Variants in TIMM9 observed in about 807,000 individuals in gnomAD.
The protein encoded by TIMM9 is mitochondrial import inner membrane translocase subunit Tim9.
A neutral mutation model predicts 13.4 loss-of-function variants in TIMM9; 10 were observed. The ratio of observed to expected loss-of-function variants is 0.75; its 90% CI spans 0.46 to 1.26. TIMM9 has a LOEUF of 1.26. Ranked by LOEUF, TIMM9 falls within the 50% of genes most tolerant of loss-of-function variation. The pLI is 0.00. For missense variants in TIMM9, 87 were observed against 100.8 expected (o/e 0.86, Z 0.58); for synonymous variants, 32 against 32.1 (o/e 1.00, Z 0.01).
intron 5 of TIMM9, 147 bp from the exon 6 acceptor site, chr14:58,409,315 T>C (rs2036133304): frequency 1.2e-6 from 1 of 837,560 alleles, no homozygotes; most frequent in Non-Finnish European, 1.8e-6. Flanking sequence ...CAACTGACCA[T>C]AGCTTTTAAT....
chr14:58,415,815 C>A (rs1566750053), intron 3 of TIMM9, among the ~76,000 whole-genome samples: 1 of 151,984 alleles, frequency 6.6e-6, no homozygotes, highest in Non-Finnish European at 1.5e-5. Context: ...GAAAACTCCC[C>A]AAGTTTGGCA....
At chr14:58,419,908 C>G (rs546661771) in intron 3 of TIMM9, among the ~76,000 whole-genome samples, 2 of 152,014 alleles carry the variant, frequency 1.3e-5, no homozygotes, top group Non-Finnish European at 2.9e-5. Flanking sequence ...CAGACCCTCT[C>G]TCTAAAAAAA....
chr14:58,427,468 G>T lies in TIMM9; in HGVS notation c.-380C>A, dbSNP rs2036911936. ...CTGGTAAACACAAGTAGTATTACAA[G>T]TCGGGAGCTCTTCAAGTCTTGGATG... On this transcript the variant is annotated 5_prime_UTR_variant, in exon 1 of 6. Coordinates refer to ENST00000395159, the MANE Select transcript of TIMM9 (RefSeq NM_012460.4). 2.3e-6 allele frequency: 2 copies of T among 867,028 alleles called. No homozygotes were observed. The highest frequency in any genetic ancestry group is 3.3e-5 in the South Asian group (2 of 61,292). 53.7% of individuals were successfully genotyped at this position (867,028 alleles called of 1,614,324 possible). A position where few individuals can be genotyped will look rare whatever the true frequency, so the allele number is the denominator to read the frequency against.
chr14:58,422,859 G>GAGT (rs1191707829), intron 3 of TIMM9, among the ~76,000 whole-genome samples: 1 of 151,854 alleles, frequency 6.6e-6, no homozygotes, highest in African/African-American at 2.4e-5. Flanking sequence ...ACCCAGGCTG[G>GAGT]AGTACAGTGG....
intron 1 of TIMM9, 63 bp downstream of exon 1, chr14:58,427,329 A>G (rs1226012001): frequency 1.9e-5 from 7 of 368,966 alleles, no homozygotes. Flanking sequence ...AACGCTTTCT[A>G]TTCCCGACTT....
chr14:58,413,649 T>C (rs563969120), intron 3 of TIMM9, among the ~76,000 whole-genome samples: 1 of 152,310 alleles, frequency 6.6e-6, no homozygotes, highest in East Asian at 1.9e-4. Flanking sequence ...AGAATGTGTA[T>C]AACATTATTT....
intron 3 of TIMM9, among the ~76,000 whole-genome samples, chr14:58,421,784 G>GA (rs36014363): frequency 1.3e-5 from 2 of 151,360 alleles, no homozygotes; most frequent in Non-Finnish European, 2.9e-5. Context: ...GTGAGAACTT[G>GA]AAAAAAAATA....
rs2036439629 is a variant in TIMM9, at chr14:58,417,209, T to G, written c.-26-5238A>C. On this transcript the variant is annotated intron_variant, in intron 3 of 5. Coordinates refer to ENST00000395159, the MANE Select transcript of TIMM9 (RefSeq NM_012460.4). ...TGTGGAACTGTAAGTCCATTAAACC[T>G]CTTTCTTTTGTAAATTGCCCAGTCT... 2.0e-5 allele frequency among the ~76,000 whole-genome samples: 3 copies of G among 151,816 alleles called. No individual in the cohort carries two copies. The South Asian group carries it at 6.2e-4, about 31-fold the overall frequency.
At chr14:58,423,195 T>C (rs1187178247) in intron 3 of TIMM9, among the ~76,000 whole-genome samples, 1 of 152,010 alleles carries the variant, frequency 6.6e-6, no homozygotes, top group Non-Finnish European at 1.5e-5. Flanking sequence ...TCTCTAAAGC[T>C]ATCCTCGGTA....
At chr14:58,419,512 T>TACACAC (rs1010935066) in intron 3 of TIMM9, among the ~76,000 whole-genome samples, 1 of 77,360 alleles carries the variant, frequency 1.3e-5, no homozygotes, top group African/African-American at 4.8e-5. Context: ...CACAAACACA[T>TACACAC]ACACACACAC....
At position 58,415,284 on chromosome 14, in the gene TIMM9, A is replaced by G. The variant is rs540572071; in HGVS notation, c.-26-3313T>C. ...TAAATAACATCTAGAGCCTCATAAC[A>G]TGATATGCAAGATGTCCAGGCTACA... On this transcript the variant is annotated intron_variant, in intron 3 of 5. Coordinates refer to ENST00000395159, the MANE Select transcript of TIMM9 (RefSeq NM_012460.4). Among the ~76,000 whole-genome samples, 21 of 152,330 alleles carry G rather than the reference A, an allele frequency of 1.4e-4. No homozygotes were observed. The East Asian group carries it at 3.7e-3, about 27-fold the overall frequency.
Position 58,409,072 on chromosome 14 carries a change from G to C in TIMM9, c.232C>G (p.Leu78Val). The change falls in exon 6 of 6, where the codon CTG (leucine) becomes GTG (valine). Residue 78 changes from leucine (L) to valine (V), a missense_variant. By Grantham distance (32) the Leu-to-Val change is conservative. Transcript: ENST00000395159. ...CCAAGGAGTCCTGCTTTGGCTGCCA[G>C]GGCTTCATTCTGCTGAATATGATAT... ...QEYHIQQNEA[L>V]AAKAGLLGQP... is the part of the protein sequence containing the mutation. The C allele has an allele frequency of 1.2e-6, 2 of 1,613,786 alleles. No individual in the cohort carries two copies. The highest frequency in any genetic ancestry group is 1.7e-6 in the Non-Finnish European group (2 of 1,179,904).
chr14:58,425,228 T>C (rs527928014), intron 2 of TIMM9, among the ~76,000 whole-genome samples: 133 of 152,146 alleles, frequency 8.7e-4, no homozygotes, highest in African/African-American at 3.0e-3. Context: ...CTGGCCAACA[T>C]GGTGAAACCC....
rs144727538 is a variant in TIMM9, at chr14:58,409,609, C to T, written c.136-441G>A. On this transcript the variant is annotated intron_variant, in intron 5 of 5. Transcript: ENST00000395159. The stretch of plus-strand genomic sequence containing the variant: ...TTTATTTATTTTTGAGAGGGAGTCT[C>T]GCTGTGTCACCCAGGCTTGAGTGCA... Among the ~76,000 whole-genome samples, 109 of 152,140 alleles carry T rather than the reference C, an allele frequency of 7.2e-4. No individual in the cohort carries two copies. In the East Asian group the frequency reaches 0.011, roughly 15 times the overall value.
intron 2 of TIMM9, among the ~76,000 whole-genome samples, chr14:58,425,534 C>A (rs2036713130): frequency 6.7e-6 from 1 of 150,232 alleles, no homozygotes; most frequent in African/African-American, 2.5e-5. Flanking sequence ...AGAGCAAGGC[C>A]CTGTCTCTGG....
intron 3 of TIMM9, among the ~76,000 whole-genome samples, chr14:58,422,838 C>A (rs1030637307): frequency 6.6e-6 from 1 of 151,938 alleles, no homozygotes; most frequent in African/African-American, 2.4e-5. Context: ...GAGACAGAGT[C>A]TCACTCTGAG....
At chr14:58,415,841 C>G (rs1194087676) in intron 3 of TIMM9, among the ~76,000 whole-genome samples, 3 of 152,096 alleles carry the variant, frequency 2.0e-5, no homozygotes, top group African/African-American at 4.8e-5. Flanking sequence ...CATAAACCTA[C>G]AGATTCAAAA....
At chr14:58,410,147 C>G (rs999727266) in intron 5 of TIMM9, among the ~76,000 whole-genome samples, 1 of 152,140 alleles carries the variant, frequency 6.6e-6, no homozygotes, top group Non-Finnish European at 1.5e-5. Context: ...TCACAGCTCA[C>G]TGCAACCTCT....
At position 58,408,750 on chromosome 14, in the gene TIMM9, G is replaced by T; in HGVS notation, c.*284C>A. On this transcript the variant is annotated 3_prime_UTR_variant, in exon 6 of 6. Transcript: ENST00000395159. Reference sequence around the variant, plus strand: ...TTTAAAATTAACAGTCACAATTGAAGAAACAATGGTTTATTTTTCTAATCA... The same window carrying T: ...TTTAAAATTAACAGTCACAATTGAATAAACAATGGTTTATTTTTCTAATCA... 1.4e-6 allele frequency: 1 copy of T among 732,158 alleles called. No individual in the cohort carries two copies. The allele number at this position is 732,158 out of a possible 1,614,324, so 45.4% of individuals were successfully genotyped here.
Sources: allele counts gnomAD v4.1 joint callset (sites outside exome capture counted in the v4.1 genomes callset), GRCh38; gene constraint gnomAD v4.1.1; transcripts MANE v1.5; gene names NCBI Gene and HGNC (gene_info 2026-07-23, HGNC 2026-07-21).